Variants in AK7 observed in about 807,000 individuals in gnomAD.
AK7 encodes ATP-AMP transphosphorylase 7.
A neutral mutation model predicts 96.6 loss-of-function variants in AK7; 78 were observed. The ratio of observed to expected loss-of-function variants is 0.81; its 90% CI spans 0.67 to 0.97. AK7 has a LOEUF of 0.97. AK7 is among the 50% of genes least tolerant of loss of function. AK7 has a pLI of 0.00. For missense variants in AK7, 855 were observed against 887.9 expected, an observed-to-expected ratio of 0.96 and a Z score of 0.47; for synonymous variants, 302 against 317.2, an observed-to-expected ratio of 0.95 and a Z score of 0.51.
At chr14:96,450,796 A>T (rs1214275359) in intron 9 of AK7, among the ~76,000 whole-genome samples, 3 of 113,920 alleles carry the variant, frequency 2.6e-5, no homozygotes, top group Admixed American at 1.2e-4. Flanking sequence ...TTTTTTTGAG[A>T]CGGAGTCTCA....
intron 12 of AK7, among the ~76,000 whole-genome samples, chr14:96,461,856 G>A (rs940262199): frequency 6.6e-6 from 1 of 152,186 alleles, no homozygotes; most frequent in Non-Finnish European, 1.5e-5. Flanking sequence ...AAAGTGCTGG[G>A]ACTACAGGCG....
chr14:96,424,659 T>G (rs1439055118), intron 5 of AK7, among the ~76,000 whole-genome samples: 1 of 152,186 alleles, frequency 6.6e-6, no homozygotes, highest in Non-Finnish European at 1.5e-5. Context: ...ATACAAACAC[T>G]GTGAGCATCA....
intron 1 of AK7, 102 bp downstream of exon 1, chr14:96,392,361 TC>T (rs1889800897): frequency 9.7e-7 from 1 of 1,032,680 alleles, no homozygotes; most frequent in Non-Finnish European, 1.4e-6. Context: ...CAGGGCGCTG[TC>T]GGGGCCTTTC....
intron 14 of AK7, among the ~76,000 whole-genome samples, chr14:96,475,113 G>A (rs972397621): frequency 6.6e-6 from 1 of 152,232 alleles, no homozygotes; most frequent in Non-Finnish European, 1.5e-5. Flanking sequence ...TTCTTTGTTG[G>A]ACACAGTGCA....
At chr14:96,404,171 A>AAAAAAAAAAC in intron 2 of AK7, among the ~76,000 whole-genome samples, 1 of 147,334 alleles carries the variant, frequency 6.8e-6, no homozygotes, top group South Asian at 2.1e-4. Flanking sequence ...AAAAAAAAAA[A>AAAAAAAAAAC]AACACCAAAA....
At chr14:96,429,596 A>G (rs549105719) in intron 5 of AK7, among the ~76,000 whole-genome samples, 1 of 152,190 alleles carries the variant, frequency 6.6e-6, no homozygotes, top group Non-Finnish European at 1.5e-5. Flanking sequence ...GTCCATGAGC[A>G]TGGAATGTTC....
chr14:96,458,559 T>C (rs1011844771), intron 12 of AK7, among the ~76,000 whole-genome samples: 3 of 151,756 alleles, frequency 2.0e-5, no homozygotes, highest in Non-Finnish European at 1.5e-5. Flanking sequence ...CTAGGCAACA[T>C]GGTGAACCCC....
intron 4 of AK7, among the ~76,000 whole-genome samples, chr14:96,412,229 T>TC (rs1491057989): frequency 1.4e-4 from 1 of 7,110 alleles, no homozygotes; most frequent in Non-Finnish European, 3.2e-4. Flanking sequence ...TTTCTTTCTT[T>TC]TTTTTTTTTT....
At chr14:96,483,521 A>T (rs1895621016) in intron 16 of AK7, among the ~76,000 whole-genome samples, 1 of 151,808 alleles carries the variant, frequency 6.6e-6, no homozygotes, top group African/African-American at 2.4e-5. Context: ...TCCCGGGTTC[A>T]AGTGATCCTC....
chr14:96,433,983 T>C (rs1892499856), intron 5 of AK7, among the ~76,000 whole-genome samples: 1 of 152,220 alleles, frequency 6.6e-6, no homozygotes, highest in Admixed American at 6.5e-5. Flanking sequence ...TTTCTTTGAG[T>C]TTCCTCAATA....
intron 14 of AK7, 49 bp downstream of exon 14, chr14:96,472,804 G>A (rs2140158394): frequency 6.6e-7 from 1 of 1,514,000 alleles, no homozygotes; most frequent in Non-Finnish European, 9.1e-7. Flanking sequence ...TCTCTGGGCT[G>A]GGCGTGGTGG....
chr14:96,471,420 C>T (rs1366461316), intron 12 of AK7, 58 bp from the exon 13 acceptor site: 16 of 857,022 alleles, frequency 1.9e-5, no homozygotes, highest in Non-Finnish European at 2.3e-5. Context: ...TTTAAAACAA[C>T]TCTTACTTAG....
At chr14:96,402,475 TG>T (rs1389660855) in intron 2 of AK7, among the ~76,000 whole-genome samples, 3 of 152,350 alleles carry the variant, frequency 2.0e-5, no homozygotes, top group Non-Finnish European at 4.4e-5. Context: ...ACATAGATGC[TG>T]TATCTTCTTT....
chr14:96,420,313 A>G (rs2140038514), intron 4 of AK7, among the ~76,000 whole-genome samples: 2 of 151,752 alleles, frequency 1.3e-5, no homozygotes, highest in African/African-American at 4.8e-5. Flanking sequence ...CCTGGCCAAC[A>G]TGGCAAAAAC....
At chr14:96,413,241 G>A (rs965397014) in intron 4 of AK7, among the ~76,000 whole-genome samples, 1 of 152,190 alleles carries the variant, frequency 6.6e-6, no homozygotes, top group African/African-American at 2.4e-5. Context: ...GTGAGAAGGC[G>A]AGCATCGCAA....
At chr14:96,436,942 A>G (rs1308115363) in intron 5 of AK7, among the ~76,000 whole-genome samples, 1 of 152,052 alleles carries the variant, frequency 6.6e-6, no homozygotes, top group Non-Finnish European at 1.5e-5. Context: ...ATTCAGGGTT[A>G]GGAAGCTCAT....
intron 10 of AK7, 150 bp downstream of exon 10, chr14:96,451,720 A>G (rs1893616098): frequency 1.4e-6 from 1 of 731,268 alleles, no homozygotes; most frequent in Non-Finnish European, 1.9e-6. Flanking sequence ...GTCCAGGTCT[A>G]ACAAATTTAC....
chr14:96,472,612 T>C (rs1048366049), intron 13 of AK7, 75 bp from the exon 14 acceptor site: 4 of 1,153,858 alleles, frequency 3.5e-6, no homozygotes, highest in Non-Finnish European at 5.1e-6. Flanking sequence ...CTACTTAAGA[T>C]ATTTGGAATT....
At chr14:96,457,054 C>CTTTTTTTTTTTT (rs35838636) in intron 11 of AK7, 2 of 86,722 alleles carry the variant, frequency 2.3e-5, no homozygotes, top group Non-Finnish European at 4.5e-5. Flanking sequence ...TGTAAAATGG[C>CTTTTTTTTTTTT]TTTTTTTTTT....
Sources: gnomAD v4.1 joint callset for allele counts (sites outside exome capture counted in the v4.1 genomes callset) on GRCh38, gnomAD v4.1.1 for gene constraint, MANE v1.5 for transcripts, NCBI Gene and HGNC (gene_info 2026-07-23, HGNC 2026-07-21) for gene names.